Variants in DENND2A observed in about 807,000 individuals in gnomAD.
DENND2A encodes DENN domain containing 2A, also known as DENN domain-containing protein 2A.
Under a neutral mutation model 105.3 loss-of-function variants are expected in DENND2A, and 53 were observed. The observed-to-expected ratio is 0.50, with a 90% CI of 0.40 to 0.63. The LOEUF is 0.63. Ranked by LOEUF, DENND2A falls within the 30% of genes least tolerant of loss-of-function variation. The probability of loss-of-function intolerance (pLI) is 0.00; values close to 1 mark genes in which losing one functional copy is unlikely to be tolerated. For synonymous variants in DENND2A, 522 were observed against 508.4 expected (o/e 1.03, Z -0.36); for missense variants, 1,138 against 1,279.6 (o/e 0.89, Z 1.69).
At chr7:140,575,918 G>A (rs959910221) in intron 5 of DENND2A, among the ~76,000 whole-genome samples, 1 of 150,190 alleles carries the variant, frequency 6.7e-6, no homozygotes, top group Non-Finnish European at 1.5e-5. Context: ...GCAGTGAGCT[G>A]AGATCACACA....
chr7:140,518,888 C>T (rs1795753988), intron 19 of DENND2A, 150 bp from the exon 20 acceptor site: 3 of 664,794 alleles, frequency 4.5e-6, no homozygotes, highest in South Asian at 1.9e-5. Context: ...GCCAAAGGGG[C>T]TTTGTTCTTT....
intron 9 of DENND2A, among the ~76,000 whole-genome samples, chr7:140,564,298 T>C (rs60901407): frequency 0.44 from 62,235 of 139,956 alleles, 14,306 homozygotes; most frequent in African/African-American, 0.56. Flanking sequence ...AAAAAAAAAA[T>C]ACACACACAC....
intron 14 of DENND2A, among the ~76,000 whole-genome samples, chr7:140,530,028 A>T (rs1796204519): frequency 6.6e-6 from 1 of 151,502 alleles, no homozygotes; most frequent in Non-Finnish European, 1.5e-5. Flanking sequence ...GATTGAGACC[A>T]ACCTGGGCAA....
intron 14 of DENND2A, among the ~76,000 whole-genome samples, chr7:140,528,871 C>A (rs754169913): frequency 2.6e-5 from 4 of 152,126 alleles, no homozygotes; most frequent in Non-Finnish European, 5.9e-5. Context: ...GTAATCCCAG[C>A]ACTTTGGGAG....
chr7:140,607,105 T>A (rs1167181218), intron 1 of DENND2A, among the ~76,000 whole-genome samples: 2 of 152,168 alleles, frequency 1.3e-5, no homozygotes, highest in African/African-American at 2.4e-5. Context: ...GGTATTTACG[T>A]TACGTTTCCA....
At chr7:140,566,980 A>T in intron 9 of DENND2A, 106 bp downstream of exon 9, 2 of 1,050,122 alleles carry the variant, frequency 1.9e-6, no homozygotes, top group Non-Finnish European at 2.7e-6. Context: ...TCAAGATTCT[A>T]GATGCTAGGT....
At chr7:140,631,497 T>C (rs1800730995) in intron 1 of DENND2A, among the ~76,000 whole-genome samples, 1 of 152,136 alleles carries the variant, frequency 6.6e-6, no homozygotes, top group Non-Finnish European at 1.5e-5. Context: ...TGGCTCTCTG[T>C]GGTGCTGGAA....
chr7:140,598,915 A>G (rs923778008), intron 3 of DENND2A, among the ~76,000 whole-genome samples: 5 of 152,218 alleles, frequency 3.3e-5, no homozygotes, highest in African/African-American at 1.2e-4. Flanking sequence ...ATTACTAAAA[A>G]GGAGAGAGAC....
intron 3 of DENND2A, among the ~76,000 whole-genome samples, chr7:140,593,897 AT>A (rs1460276573): frequency 2.0e-5 from 3 of 150,064 alleles, no homozygotes; most frequent in Admixed American, 6.6e-5. Context: ...AAACAAGCAA[AT>A]CTTTTTTTTT....
intron 5 of DENND2A, among the ~76,000 whole-genome samples, chr7:140,577,107 A>G (rs1489786429): frequency 6.6e-6 from 1 of 152,184 alleles, no homozygotes; most frequent in Non-Finnish European, 1.5e-5. Context: ...GGGCACCCCA[A>G]ATAAGCCACC....
At chr7:140,564,903 T>C (rs555516) in intron 9 of DENND2A, among the ~76,000 whole-genome samples, 74,501 of 151,908 alleles carry the variant, frequency 0.49, 19,769 homozygotes, top group African/African-American at 0.7. Context: ...GCATACCCAG[T>C]GGCCTCTCTT....
Position 140,527,638 on chromosome 7 carries a change from C to T in DENND2A, c.2328-143G>A. On this transcript the variant is annotated intron_variant, in intron 14 of 19. Coordinates refer to ENST00000496613, the MANE Select transcript of DENND2A (RefSeq NM_015689.5). This position sits in a 1 kb window ranked among gnomAD's most constrained non-coding sequence, Gnocchi z 4.9. Reference sequence around the variant, plus strand: ...GATCCGGTGGAGCACATGATGGTCTCAGCACAGGCCACACCAGGCACTTAG... The same window carrying T: ...GATCCGGTGGAGCACATGATGGTCTTAGCACAGGCCACACCAGGCACTTAG... 1 of 859,972 alleles carries T rather than the reference C, an allele frequency of 1.2e-6. No individual in the cohort carries two copies. The highest frequency in any genetic ancestry group is 1.7e-6 in the Non-Finnish European group (1 of 575,132). The allele number at this position is 859,972 out of a possible 1,614,324, so 53.3% of individuals were successfully genotyped here. A position where few individuals can be genotyped will look rare whatever the true frequency, so the allele number is the denominator to read the frequency against.
intron 12 of DENND2A, among the ~76,000 whole-genome samples, chr7:140,549,418 C>T (rs1797029322): frequency 6.6e-6 from 1 of 152,050 alleles, no homozygotes; most frequent in Non-Finnish European, 1.5e-5. Flanking sequence ...CCACCACACC[C>T]AGCTAATTCT....
chr7:140,552,316 T>G (rs1038215331), intron 12 of DENND2A, among the ~76,000 whole-genome samples: 2 of 152,040 alleles, frequency 1.3e-5, no homozygotes, highest in African/African-American at 4.8e-5. Flanking sequence ...TTTTCCCTTC[T>G]TTCATTTTCC....
chr7:140,580,933 G>A (rs748258744), intron 5 of DENND2A, among the ~76,000 whole-genome samples: 2 of 151,070 alleles, frequency 1.3e-5, no homozygotes, highest in African/African-American at 4.9e-5. Context: ...CACTGTGCCC[G>A]GCCACCCAGC....
intron 3 of DENND2A, among the ~76,000 whole-genome samples, chr7:140,594,251 G>C (rs184016443): frequency 6.6e-6 from 1 of 152,206 alleles, no homozygotes; most frequent in African/African-American, 2.4e-5. Context: ...TCTTAAAAAT[G>C]TTCCTTTTTT....
chr7:140,584,955 T>C (rs1798717664), intron 5 of DENND2A, among the ~76,000 whole-genome samples: 1 of 152,190 alleles, frequency 6.6e-6, no homozygotes, highest in Admixed American at 6.5e-5. Context: ...TCCCAGCACT[T>C]TGGGAGGCCA....
In DENND2A at chr7:140,569,660, T is replaced by C; in HGVS notation, c.1525A>G (p.Ser509Gly). ...GGGGTTCTACCTTTTCCTGAGTTGC[T>C]CTCCATTGACTGGGACAGCCTCTTC... Reference protein sequence around the residue: ...RVKRLSQSMESNSGKVTDENS... With the variant: ...RVKRLSQSMEGNSGKVTDENS... Residue 509 changes from serine to glycine, a missense_variant, in exon 7 of 20, where the codon AGC becomes GGC. Transcript: ENST00000496613. The C allele has an allele frequency of 6.2e-7, 1 of 1,612,492 alleles. No homozygotes were observed. The highest frequency in any genetic ancestry group is 8.5e-7 in the Non-Finnish European group (1 of 1,178,456).
intron 1 of DENND2A, among the ~76,000 whole-genome samples, chr7:140,607,221 G>C (rs956955801): frequency 8.5e-5 from 13 of 152,144 alleles, no homozygotes; most frequent in African/African-American, 1.2e-4. Flanking sequence ...GTCCTGGCCT[G>C]GGCATCCTCT....
Sources: gnomAD v4.1 joint callset for allele counts (sites outside exome capture counted in the v4.1 genomes callset) on GRCh38, gnomAD v4.1.1 for gene constraint, Gnocchi (gnomAD v3.1) non-coding constraint, MANE v1.5 for transcripts, NCBI Gene and HGNC (gene_info 2026-07-23, HGNC 2026-07-21) for gene names.